EDIL3: variants seen among roughly 807,000 people sequenced by gnomAD.
EDIL3 encodes the protein EGF-like repeat and discoidin I-like domain-containing protein 3.
EDIL3 carries 37 observed loss-of-function variants against 67.4 expected under a neutral mutation model. The ratio of observed to expected loss-of-function variants is 0.55; its 90% CI spans 0.42 to 0.72. The LOEUF (loss-of-function observed/expected upper bound fraction) is 0.72, where lower values mean the gene tolerates loss of function less well. Ranked by LOEUF, EDIL3 falls within the 30% of genes least tolerant of loss-of-function variation. The pLI, the probability that EDIL3 is intolerant of heterozygous loss-of-function variation, is 0.00. For synonymous variants in EDIL3, 195 were observed against 196.3 expected (o/e 0.99, Z 0.05); for missense variants, 527 against 586.3 (o/e 0.90, Z 1.04).
intron 1 of EDIL3, among the ~76,000 whole-genome samples, chr5:84,354,530 G>T (rs1482160273): frequency 1.3e-5 from 2 of 151,804 alleles, no homozygotes; most frequent in Non-Finnish European, 2.9e-5. Flanking sequence ...GGTGGTGCAT[G>T]CCTGTAATAC....
chr5:84,377,481 G>A (rs75867591), intron 1 of EDIL3, among the ~76,000 whole-genome samples: 1,874 of 152,154 alleles, frequency 0.012, 33 homozygotes, highest in African/African-American at 0.042. Context: ...ATTGTGTCAT[G>A]AGCCCATTTC....
At chr5:84,197,933 G>A (rs1023378263) in intron 3 of EDIL3, among the ~76,000 whole-genome samples, 4 of 151,970 alleles carry the variant, frequency 2.6e-5, no homozygotes, top group African/African-American at 7.2e-5. Context: ...GCTACTTGAT[G>A]GAATTACTGG....
At chr5:84,194,841 T>C (rs1374492001) in intron 3 of EDIL3, among the ~76,000 whole-genome samples, 2 of 151,934 alleles carry the variant, frequency 1.3e-5, no homozygotes, top group Admixed American at 6.6e-5. Context: ...AAAGATTGAC[T>C]GTAGCTCATA....
chr5:84,275,913 G>T (rs1027123487), intron 1 of EDIL3, among the ~76,000 whole-genome samples: 1 of 152,168 alleles, frequency 6.6e-6, no homozygotes, highest in African/African-American at 2.4e-5. Context: ...ATTAACACTA[G>T]TTCAGGGTCT....
intron 4 of EDIL3, among the ~76,000 whole-genome samples, chr5:84,145,281 T>C (rs1362256848): frequency 2.0e-5 from 3 of 152,110 alleles, no homozygotes; most frequent in Non-Finnish European, 4.4e-5. Context: ...GGAGTTTTTA[T>C]AGCTGTATTA....
At chr5:84,253,896 A>G (rs1488590311) in intron 2 of EDIL3, among the ~76,000 whole-genome samples, 188 bp downstream of exon 2, 2 of 152,020 alleles carry the variant, frequency 1.3e-5, no homozygotes, top group Non-Finnish European at 2.9e-5. Context: ...TTTAAAACTT[A>G]AAGAACACAA....
chr5:84,209,684 AG>A (rs1744073742), intron 3 of EDIL3, among the ~76,000 whole-genome samples: 1 of 152,228 alleles, frequency 6.6e-6, no homozygotes. Context: ...GTGAACAGTA[AG>A]GCTATTCTCA....
chr5:84,276,680 T>G, intron 1 of EDIL3, among the ~76,000 whole-genome samples: 1 of 152,134 alleles, frequency 6.6e-6, no homozygotes, highest in East Asian at 1.9e-4. Flanking sequence ...GCAATTCTCC[T>G]GCCTCAGACT....
At chr5:84,137,414 G>A in intron 4 of EDIL3, 60 bp from the exon 5 acceptor site, 1 of 1,462,214 alleles carries the variant, frequency 6.8e-7, no homozygotes, top group Non-Finnish European at 9.4e-7. Context: ...TTAGATATTG[G>A]AAAGTTTTAA....
At chr5:84,178,287 T>C (rs1240907764) in intron 4 of EDIL3, among the ~76,000 whole-genome samples, 1 of 152,200 alleles carries the variant, frequency 6.6e-6, no homozygotes, top group Non-Finnish European at 1.5e-5. Flanking sequence ...TATCTGCATT[T>C]CTAATAAACT....
intron 1 of EDIL3, among the ~76,000 whole-genome samples, chr5:84,338,877 T>A (rs1377371671): frequency 6.6e-6 from 1 of 152,104 alleles, no homozygotes; most frequent in Admixed American, 6.6e-5. Flanking sequence ...TGCACTTGGT[T>A]TAATGCTCTG....
intron 1 of EDIL3, among the ~76,000 whole-genome samples, chr5:84,349,641 T>C (rs1580094004): frequency 1.3e-5 from 2 of 152,256 alleles, no homozygotes; most frequent in South Asian, 2.1e-4. Context: ...TATAGATAAA[T>C]AGAATAATAT....
At chr5:84,069,589 A>G (rs1236306302) in intron 6 of EDIL3, among the ~76,000 whole-genome samples, 2 of 152,118 alleles carry the variant, frequency 1.3e-5, no homozygotes, top group African/African-American at 4.8e-5. Context: ...GCAAAAAAGC[A>G]TTTTCTTTAC....
At chr5:84,194,091 T>C (rs1225677209) in intron 3 of EDIL3, among the ~76,000 whole-genome samples, 1 of 151,986 alleles carries the variant, frequency 6.6e-6, no homozygotes, top group African/African-American at 2.4e-5. Flanking sequence ...GAAGGCTTAT[T>C]TGGTCTGGAG....
intron 2 of EDIL3, among the ~76,000 whole-genome samples, chr5:84,241,806 C>T (rs567776921): frequency 1.3e-5 from 2 of 151,934 alleles, no homozygotes; most frequent in South Asian, 4.2e-4. Flanking sequence ...TTGATTTCTG[C>T]ATGTAGCTTT....
chr5:84,100,037 C>T (rs560441005), intron 6 of EDIL3, among the ~76,000 whole-genome samples: 3 of 152,210 alleles, frequency 2.0e-5, no homozygotes, highest in Admixed American at 6.5e-5. Flanking sequence ...TACCATCTCA[C>T]ACCAGTTAGA....
chr5:84,315,591 A>T (rs1746496988), intron 1 of EDIL3, among the ~76,000 whole-genome samples: 1 of 152,166 alleles, frequency 6.6e-6, no homozygotes, highest in Admixed American at 6.6e-5. Context: ...AATATTTTTT[A>T]AAAAGTTGCC....
At chr5:84,342,323 G>A (rs1561263043) in intron 1 of EDIL3, among the ~76,000 whole-genome samples, 1 of 151,978 alleles carries the variant, frequency 6.6e-6, no homozygotes, top group Non-Finnish European at 1.5e-5. Flanking sequence ...GACATATTTG[G>A]TTGGTGCAAA....
chr5:84,015,111 TGTG>T (rs1379966695), intron 9 of EDIL3, among the ~76,000 whole-genome samples: 3 of 152,200 alleles, frequency 2.0e-5, no homozygotes. Flanking sequence ...AATTTAAGTA[TGTG>T]GTCCACTTGG....
Sources: gnomAD v4.1 joint callset for allele counts (sites outside exome capture counted in the v4.1 genomes callset) on GRCh38, gnomAD v4.1.1 for gene constraint, MANE v1.5 for transcripts, NCBI Gene and HGNC (gene_info 2026-07-23, HGNC 2026-07-21) for gene names.